The following LRBA variants were observed in gnomAD, a reference collection of about 807,000 sequenced individuals.
The protein encoded by LRBA is LPS responsive beige-like anchor protein, also known as lipopolysaccharide-responsive and beige-like anchor protein.
Under a neutral mutation model 330.0 loss-of-function variants are expected in LRBA, and 176 were observed. That is an observed-to-expected ratio of 0.53 (90% confidence interval 0.47 to 0.60). The LOEUF is 0.60. Among genes scored for constraint, LRBA ranks in the 20% least tolerant of loss-of-function variants. The pLI is 0.00. For missense variants in LRBA, 3,259 were observed against 3,444.8 expected (o/e 0.95, Z 1.35); for synonymous variants, 1,230 against 1,193.0 (o/e 1.03, Z -0.64).
At chr4:150,436,152 TG>T (rs1751080696) in intron 45 of LRBA, among the ~76,000 whole-genome samples, 1 of 152,220 alleles carries the variant, frequency 6.6e-6, no homozygotes, top group African/African-American at 2.4e-5. Flanking sequence ...AGTGGATAAT[TG>T]CTTGAAATTA....
chr4:150,330,355 T>G (rs1198198781), intron 48 of LRBA, among the ~76,000 whole-genome samples: 1 of 152,208 alleles, frequency 6.6e-6, no homozygotes, highest in Non-Finnish European at 1.5e-5. Flanking sequence ...ATTACACCTG[T>G]TCATACTGCT....
intron 30 of LRBA, among the ~76,000 whole-genome samples, chr4:150,827,542 T>C (rs763158828): frequency 1.3e-5 from 2 of 152,122 alleles, no homozygotes; most frequent in Non-Finnish European, 2.9e-5. Flanking sequence ...ATCTTTATGA[T>C]GATTCGCTTC....
chr4:150,816,266 A>AC (rs1320212253), intron 31 of LRBA, among the ~76,000 whole-genome samples: 1 of 151,984 alleles, frequency 6.6e-6, no homozygotes, highest in East Asian at 1.9e-4. Context: ...TTTTCCGTCA[A>AC]TCTCAACCTA....
At chr4:150,643,214 T>C (rs1050767304) in intron 37 of LRBA, among the ~76,000 whole-genome samples, 1 of 151,934 alleles carries the variant, frequency 6.6e-6, no homozygotes, top group Non-Finnish European at 1.5e-5. Context: ...ATGCAGACCA[T>C]TAGAGTTCAT....
intron 14 of LRBA, among the ~76,000 whole-genome samples, chr4:150,899,463 G>A (rs531164399): frequency 3.3e-5 from 5 of 152,222 alleles, no homozygotes; most frequent in Non-Finnish European, 2.9e-5. Context: ...TTTGATGTAA[G>A]CCAGTTCCAA....
chr4:150,405,753 T>C (rs1183769687), intron 47 of LRBA, among the ~76,000 whole-genome samples: 1 of 152,048 alleles, frequency 6.6e-6, no homozygotes, highest in Non-Finnish European at 1.5e-5. Context: ...CTGAAGTAAA[T>C]TGTCATAATT....
At chr4:150,399,440 T>C (rs556834692) in intron 47 of LRBA, among the ~76,000 whole-genome samples, 2 of 152,336 alleles carry the variant, frequency 1.3e-5, no homozygotes, top group South Asian at 2.1e-4. Flanking sequence ...TTTTTCATTC[T>C]TTCAGCAAAC....
At position 150,677,066 on chromosome 4, in the gene LRBA, GA is replaced by G. The variant is rs542369529; in HGVS notation, c.5921+6484del. On this transcript the variant is annotated intron_variant, in intron 37 of 56. Coordinates refer to ENST00000651943, the MANE Select transcript of LRBA (RefSeq NM_001364905.1). ...TTCAAAATTTATTACTGCTTTGGTT[GA>G]AACAAATATTTCTCAGTTCATACAG... Among the ~76,000 whole-genome samples, 321 of 152,086 alleles carry G rather than the reference GA, an allele frequency of 2.1e-3. 1 individual carries two copies. The highest frequency in any genetic ancestry group is 7.5e-3 in the African/African-American group (310 of 41,478).
rs1751446054 is a variant in LRBA, at chr4:150,858,155, T to G, written c.2767-5212A>C. On this transcript the variant is annotated intron_variant, in intron 22 of 56. Coordinates refer to ENST00000651943, the MANE Select transcript of LRBA (RefSeq NM_001364905.1). ...TGAAAACTTATTATTATTTTAAATT[T>G]TTTAAAGTAATAAATGCTATTTGGT... is the stretch of plus-strand genomic sequence containing the variant. 3.9e-5 allele frequency among the ~76,000 whole-genome samples: 6 copies of G among 152,174 alleles called. No individual in the cohort carries two copies. The South Asian group carries it at 1.2e-3, about 31-fold the overall frequency.
rs557401416 is a variant in LRBA, at chr4:150,747,518, T to G, written c.5646-12152A>C. The stretch of plus-strand genomic sequence containing the variant: ...ACTATCCACTTCTGCCAGTCACTTC[T>G]AAGCTGCTAACTGTAAGGAATACAA... On this transcript the variant is annotated intron_variant, in intron 35 of 56. Transcript: ENST00000651943. Among the ~76,000 whole-genome samples, 129 of 152,354 alleles carry G rather than the reference T, an allele frequency of 8.5e-4. No homozygotes were observed. In the Middle Eastern group the frequency reaches 0.01, roughly 12 times the overall value.
rs79658707 is a variant in LRBA, at chr4:150,681,676, G to A, written c.5921+1875C>T. 5.2e-3 allele frequency among the ~76,000 whole-genome samples: 798 copies of A among 152,148 alleles called. 29 individuals are homozygous for A. Among genetic ancestry groups the A allele is most frequent in the Admixed American group, 0.038 (578 of 15,276 alleles). On this transcript the variant is annotated intron_variant, in intron 37 of 56. Transcript: ENST00000651943. ...TTGTGATGGTACATCCTTTCTTGTT[G>A]TTCTGAATTTAAAATGTACACATTA...
intron 37 of LRBA, among the ~76,000 whole-genome samples, chr4:150,626,738 A>G (rs1166109091): frequency 2.0e-5 from 3 of 152,188 alleles, no homozygotes; most frequent in Non-Finnish European, 4.4e-5. Flanking sequence ...CACATATTAG[A>G]TAAGATTTAA....
At chr4:150,356,787 A>G (rs1737903232) in intron 47 of LRBA, among the ~76,000 whole-genome samples, 2 of 151,968 alleles carry the variant, frequency 1.3e-5, no homozygotes, top group African/African-American at 2.4e-5. Flanking sequence ...TTTCCTCCAC[A>G]TTGATTATAT....
intron 36 of LRBA, among the ~76,000 whole-genome samples, chr4:150,714,367 ATTT>A (rs1410093889): frequency 1.3e-5 from 2 of 152,102 alleles, no homozygotes; most frequent in African/African-American, 4.8e-5. Context: ...TGGGAAGTAA[ATTT>A]TTTATTATCT....
chr4:150,351,211 A>G (rs1737104659), intron 47 of LRBA, among the ~76,000 whole-genome samples: 3 of 152,216 alleles, frequency 2.0e-5, no homozygotes, highest in Admixed American at 2.0e-4. Flanking sequence ...GAATTTAATA[A>G]CGTTATAAAT....
intron 47 of LRBA, among the ~76,000 whole-genome samples, chr4:150,364,187 T>C (rs7687678): frequency 0.81 from 123,291 of 152,152 alleles, 51,150 homozygotes; most frequent in Non-Finnish European, 0.92. Flanking sequence ...GCAAAGAAAA[T>C]GCATCTAGAG....
intron 2 of LRBA, among the ~76,000 whole-genome samples, chr4:150,953,445 G>A (rs1057346878): frequency 5.2e-5 from 7 of 134,274 alleles, no homozygotes; most frequent in African/African-American, 1.1e-4. Flanking sequence ...CCGCCATCTC[G>A]GCTCACTGCA....
chr4:150,941,137 T>C (rs1278356853), intron 2 of LRBA, among the ~76,000 whole-genome samples: 1 of 152,068 alleles, frequency 6.6e-6, no homozygotes, highest in Non-Finnish European at 1.5e-5. Context: ...TAGGGATGTC[T>C]TCAGCATGGA....
intron 47 of LRBA, among the ~76,000 whole-genome samples, chr4:150,362,444 T>G (rs1399949869): frequency 1.3e-5 from 2 of 152,192 alleles, no homozygotes; most frequent in Non-Finnish European, 2.9e-5. Flanking sequence ...AACTGCTATC[T>G]AAAACCTAGC....
Sources: allele counts gnomAD v4.1 joint callset (sites outside exome capture counted in the v4.1 genomes callset), GRCh38; gene constraint gnomAD v4.1.1; transcripts MANE v1.5; gene names NCBI Gene and HGNC (gene_info 2026-07-23, HGNC 2026-07-21).